The following CFDP1 variants were observed in gnomAD, a reference collection of about 807,000 sequenced individuals.
CFDP1 encodes heterochromatin-stabilizing protein CFDP1.
CFDP1 carries 31 observed loss-of-function variants against 40.1 expected under a neutral mutation model. The ratio of observed to expected loss-of-function variants is 0.77; its 90% CI spans 0.58 to 1.04. CFDP1 has a LOEUF of 1.04. Among genes scored for constraint, CFDP1 ranks in the 50% least tolerant of loss-of-function variants. The pLI is 0.00. For synonymous variants in CFDP1, 167 were observed against 120.0 expected (o/e 1.39, Z -2.56); for missense variants, 423 against 343.4 (o/e 1.23, Z -1.83).
At chr16:75,325,623 T>A (rs1023402557) in intron 5 of CFDP1, among the ~76,000 whole-genome samples, 1 of 152,266 alleles carries the variant, frequency 6.6e-6, no homozygotes, top group African/African-American at 2.4e-5. Context: ...CTGGAACGAA[T>A]GTCTATTTTG....
At chr16:75,310,695 GACCACC>G (rs1268149068) in intron 5 of CFDP1, among the ~76,000 whole-genome samples, 3 of 152,114 alleles carry the variant, frequency 2.0e-5, no homozygotes, top group Non-Finnish European at 4.4e-5. Flanking sequence ...TGTTCTATCT[GACCACC>G]CTCAGCAATG....
chr16:75,392,863 T>C (rs2078963740), intron 5 of CFDP1, among the ~76,000 whole-genome samples: 1 of 152,270 alleles, frequency 6.6e-6, no homozygotes, highest in Non-Finnish European at 1.5e-5. Context: ...CATCTGATTT[T>C]ATGTCATTTC....
At chr16:75,421,133 T>C (rs765259254) in intron 1 of CFDP1, among the ~76,000 whole-genome samples, 2 of 152,204 alleles carry the variant, frequency 1.3e-5, no homozygotes. Context: ...AGGTTCCTGC[T>C]GTTTGCAGCG....
chr16:75,428,297 A>T (rs1431021240), intron 1 of CFDP1, among the ~76,000 whole-genome samples: 1 of 152,194 alleles, frequency 6.6e-6, no homozygotes, highest in African/African-American at 2.4e-5. Context: ...CTGCATTTAC[A>T]AAAGAAGAAC....
At chr16:75,384,191 T>C (rs2078873794) in intron 5 of CFDP1, among the ~76,000 whole-genome samples, 2 of 152,024 alleles carry the variant, frequency 1.3e-5, no homozygotes, top group Admixed American at 6.6e-5. Context: ...ACCCCATCTC[T>C]ACTAAAAATA....
At chr16:75,390,929 G>C (rs992274288) in intron 5 of CFDP1, among the ~76,000 whole-genome samples, 2 of 152,226 alleles carry the variant, frequency 1.3e-5, no homozygotes, top group Non-Finnish European at 2.9e-5. Flanking sequence ...CCACCACTTT[G>C]TGAGAAAGTA....
At chr16:75,342,485 G>C (rs1030034365) in intron 5 of CFDP1, among the ~76,000 whole-genome samples, 1 of 152,132 alleles carries the variant, frequency 6.6e-6, no homozygotes, top group Admixed American at 6.5e-5. Context: ...GTAAAAGTTT[G>C]TTTACTTGGA....
chr16:75,357,922 T>A (rs2078655469), intron 5 of CFDP1, among the ~76,000 whole-genome samples: 2 of 152,242 alleles, frequency 1.3e-5, no homozygotes, highest in South Asian at 4.1e-4. Context: ...TTAAATCATT[T>A]CTAGCTTTTG....
At chr16:75,373,837 A>G (rs1020027484) in intron 5 of CFDP1, among the ~76,000 whole-genome samples, 1 of 152,182 alleles carries the variant, frequency 6.6e-6, no homozygotes, top group African/African-American at 2.4e-5. Flanking sequence ...TCCATTTGAG[A>G]AAAAAATTCT....
chr16:75,357,098 A>G (rs1262142211), intron 5 of CFDP1, among the ~76,000 whole-genome samples: 3 of 151,682 alleles, frequency 2.0e-5, no homozygotes, highest in Non-Finnish European at 4.4e-5. Flanking sequence ...TTTTTAGTAG[A>G]GATGGGCTTT....
chr16:75,358,100 C>T (rs1212769301), intron 5 of CFDP1, among the ~76,000 whole-genome samples: 1 of 152,042 alleles, frequency 6.6e-6, no homozygotes, highest in Non-Finnish European at 1.5e-5. Context: ...AAAACAATTA[C>T]AATAGTATCA....
At chr16:75,306,309 T>A (rs1251823091) in intron 5 of CFDP1, 1 of 152,178 alleles carries the variant, frequency 6.6e-6, no homozygotes, top group Non-Finnish European at 1.5e-5. Flanking sequence ...GGGATCATCT[T>A]TGAAATAACC....
chr16:75,400,826 G>A (rs1351111799), intron 4 of CFDP1, among the ~76,000 whole-genome samples: 1 of 152,198 alleles, frequency 6.6e-6, no homozygotes, highest in Non-Finnish European at 1.5e-5. Context: ...ATGCTACTGA[G>A]TTGCTGAGTT....
intron 5 of CFDP1, among the ~76,000 whole-genome samples, chr16:75,329,630 A>C (rs1393375075): frequency 6.6e-6 from 1 of 152,158 alleles, no homozygotes; most frequent in Non-Finnish European, 1.5e-5. Context: ...CTAATTTTGA[A>C]CATGTGCTGT....
At chr16:75,306,148 C>T (rs939655033) in intron 5 of CFDP1, among the ~76,000 whole-genome samples, 2 of 152,156 alleles carry the variant, frequency 1.3e-5, no homozygotes, top group Middle Eastern at 3.2e-3. Flanking sequence ...GAAAGTTAAA[C>T]ATTTAAAAAC....
intron 5 of CFDP1, among the ~76,000 whole-genome samples, chr16:75,378,665 G>A (rs1247877894): frequency 1.3e-5 from 2 of 152,150 alleles, no homozygotes; most frequent in Admixed American, 1.3e-4. Flanking sequence ...GGGATAGTTA[G>A]TGCTACAATA....
intron 5 of CFDP1, among the ~76,000 whole-genome samples, chr16:75,356,421 T>G (rs1187166651): frequency 6.6e-6 from 1 of 152,204 alleles, no homozygotes; most frequent in Non-Finnish European, 1.5e-5. Context: ...AAAGGAATCT[T>G]TCTGTCTGAG....
In CFDP1 at chr16:75,433,338, G is replaced by T; in HGVS notation, c.15C>A (p.Asp5Glu). The T allele has an allele frequency of 6.3e-7, 1 of 1,597,498 alleles. No individual in the cohort carries two copies. Among genetic ancestry groups the T allele is most frequent in the Non-Finnish European group, 8.5e-7 (1 of 1,172,544 alleles). Reference protein sequence around the residue: MEEFDSEDFSTSEED... With the variant: MEEFESEDFSTSEED... ...CCTCCGACGTAGAGAAGTCTTCGGA[G>T]TCGAATTCCTCCATGTTGCTGCCGC... Residue 5 changes from aspartate (D) to glutamate (E), a missense_variant, in exon 1 of 7, where the codon GAC (aspartate) becomes GAA (glutamate). Transcript: ENST00000283882.
intron 1 of CFDP1, among the ~76,000 whole-genome samples, chr16:75,424,627 G>A (rs527554369): frequency 3.8e-4 from 58 of 152,112 alleles, no homozygotes; most frequent in African/African-American, 1.3e-3. Context: ...GGTGGCGGGC[G>A]CCTGTAGTCC....
Sources: gnomAD v4.1 joint callset for allele counts (sites outside exome capture counted in the v4.1 genomes callset) on GRCh38, gnomAD v4.1.1 for gene constraint, MANE v1.5 for transcripts, NCBI Gene and HGNC (gene_info 2026-07-23, HGNC 2026-07-21) for gene names.